The following ABRA variants were observed in gnomAD, a reference collection of about 807,000 sequenced individuals.
ABRA encodes actin-binding Rho-activating protein.
In ABRA, 25 loss-of-function variants were observed where a neutral mutation model predicts 33.4. The ratio of observed to expected loss-of-function variants is 0.75; its 90% CI spans 0.55 to 1.04. The LOEUF (loss-of-function observed/expected upper bound fraction) is 1.04, where lower values mean the gene tolerates loss of function less well. Ranked by LOEUF, ABRA falls within the 50% of genes least tolerant of loss-of-function variation. The pLI is 0.00. For synonymous variants in ABRA, 193 were observed against 176.8 expected (o/e 1.09, Z -0.73); for missense variants, 501 against 491.7 (o/e 1.02, Z -0.18).
In ABRA at chr8:106,769,665, C is replaced by T. The variant is rs993930033; in HGVS notation, c.526G>A (p.Val176Met). 4.3e-6 allele frequency: 7 copies of T among 1,614,192 alleles called. No individual in the cohort carries two copies. Among genetic ancestry groups the T allele is most frequent in the East Asian group, 2.2e-5 (1 of 44,866 alleles). ...LVSELTKGWR[V>M]MEQEEPTWRS... ...CATGTGGGCTCCTCCTGCTCCATCACTCTCCAGCCCTTGGTTAGCTCAGAC... is the reference window on the plus strand; with the variant it reads ...CATGTGGGCTCCTCCTGCTCCATCATTCTCCAGCCCTTGGTTAGCTCAGAC... The change falls in exon 1 of 2, where the codon GTG becomes ATG. Residue 176 changes from valine to methionine, a missense_variant. Coordinates refer to ENST00000311955, the MANE Select transcript of ABRA (RefSeq NM_139166.5).
chr8:106,762,945 G>A (rs915532719), intron 1 of ABRA, among the ~76,000 whole-genome samples: 1 of 152,146 alleles, frequency 6.6e-6, no homozygotes, highest in African/African-American at 2.4e-5. Context: ...ACCATCACAA[G>A]CGTCCCACCC....
rs1036846217 is a variant in ABRA at position 106,763,399 on chromosome 8, AAAAG to A, written c.669-1889_669-1886del. 3.9e-5 allele frequency among the ~76,000 whole-genome samples: 6 copies of A among 152,330 alleles called. No homozygotes were observed. In the South Asian group the frequency reaches 6.2e-4, roughly 16 times the overall value. ...ACAGTGTATGACAAAGTTAATTAGT[AAAAG>A]AAAGCACACAAAAACCATATACACA... On this transcript the variant is annotated intron_variant, in intron 1 of 1. Transcript: ENST00000311955.
intron 1 of ABRA, among the ~76,000 whole-genome samples, chr8:106,769,225 G>A (rs1024062810): frequency 1.3e-5 from 2 of 152,172 alleles, no homozygotes; most frequent in African/African-American, 2.4e-5. Flanking sequence ...AAGAATTCAC[G>A]AAAAACAGGC....
At chr8:106,767,830 T>A (rs1028864419) in intron 1 of ABRA, among the ~76,000 whole-genome samples, 12 of 152,168 alleles carry the variant, frequency 7.9e-5, no homozygotes, top group African/African-American at 2.9e-4. Context: ...CCGCGTGCGG[T>A]GGCTCATGCA....
At chr8:106,761,543 G>A (rs765441703) in intron 1 of ABRA, 29 bp from the exon 2 acceptor site, 11 of 1,571,590 alleles carry the variant, frequency 7.0e-6, no homozygotes, top group Non-Finnish European at 8.7e-6. Context: ...GAACAATCAA[G>A]ATTCAGATAT....
rs1810561628 is a variant in ABRA, at chr8:106,769,523, T to C, written c.668A>G (p.Gln223Arg). 1 of 1,610,872 alleles carries C rather than the reference T, an allele frequency of 6.2e-7. No homozygotes were observed. The highest frequency in any genetic ancestry group is 1.3e-5 in the African/African-American group (1 of 74,890). The part of the protein sequence containing the change: ...VVRIKRPLPS[Q>R]VNRFTEKLNC... ...GGAGTGGGAGAATGCATTCACTTAC[T>C]GGGAGGGCAAGGGGCGCTTGATCCT... The change falls in exon 1 of 2, where the codon CAG (glutamine) becomes CGG (arginine). Residue 223 changes from glutamine to arginine, a missense_variant and splice_region_variant. By Grantham distance (43) the Gln-to-Arg change is conservative. Transcript: ENST00000311955.
chr8:106,766,861 T>G (rs543440851), intron 1 of ABRA, among the ~76,000 whole-genome samples: 1 of 152,368 alleles, frequency 6.6e-6, no homozygotes, highest in Admixed American at 6.5e-5. Context: ...TCACATCTCT[T>G]TTTTAGATAA....
At chr8:106,766,821 T>C (rs1173445147) in intron 1 of ABRA, among the ~76,000 whole-genome samples, 1 of 152,206 alleles carries the variant, frequency 6.6e-6, no homozygotes, top group Non-Finnish European at 1.5e-5. Context: ...ACATAGCTAA[T>C]ATAAAAATAA....
At chr8:106,766,163 A>T (rs970908888) in intron 1 of ABRA, among the ~76,000 whole-genome samples, 2 of 152,164 alleles carry the variant, frequency 1.3e-5, no homozygotes. Context: ...TGAGAGAGAG[A>T]TCTAATTTCT....
intron 1 of ABRA, 135 bp downstream of exon 1, chr8:106,769,388 G>C (rs1235008849): frequency 8.0e-7 from 1 of 1,244,858 alleles, no homozygotes; most frequent in African/African-American, 1.5e-5. Context: ...CTCCTCTACA[G>C]TACTCACTGC....
At chr8:106,762,515 T>G (rs1836152568) in intron 1 of ABRA, among the ~76,000 whole-genome samples, 1 of 152,102 alleles carries the variant, frequency 6.6e-6, no homozygotes, top group Non-Finnish European at 1.5e-5. Flanking sequence ...AGTAGTATCG[T>G]GAGGATGCCA....
At chr8:106,767,728 G>C (rs575385720) in intron 1 of ABRA, among the ~76,000 whole-genome samples, 14 of 152,148 alleles carry the variant, frequency 9.2e-5, no homozygotes, top group Non-Finnish European at 1.9e-4. Context: ...TTACCCATTT[G>C]CCATTTTATT....
chr8:106,764,897 T>A (rs1408919664), intron 1 of ABRA, among the ~76,000 whole-genome samples: 1 of 152,154 alleles, frequency 6.6e-6, no homozygotes, highest in Non-Finnish European at 1.5e-5. Flanking sequence ...TGTTTTTATA[T>A]CTCCAATTTT....
At position 106,760,870 on chromosome 8, in the gene ABRA, C is replaced by A; in HGVS notation, c.*167G>T. ...AATGCTTTGTGCCTTCTCAAAATCT[C>A]CAAAATTCCTCATTCTAGATAGAAA... On this transcript the variant is annotated 3_prime_UTR_variant, in exon 2 of 2. Transcript: ENST00000311955. 9.0e-6 allele frequency: 6 copies of A among 667,254 alleles called. No individual in the cohort carries two copies. The highest frequency in any genetic ancestry group is 2.0e-5 in the South Asian group (1 of 51,126). 41.3% of individuals were successfully genotyped at this position (667,254 alleles called of 1,614,324 possible). A position where few individuals can be genotyped will look rare whatever the true frequency, so the allele number is the denominator to read the frequency against.
At position 106,770,167 on chromosome 8, in the gene ABRA, G is replaced by T. The variant is rs11996466; in HGVS notation, c.24C>A (p.Ser8Arg). 2.5e-6 allele frequency: 4 copies of T among 1,610,222 alleles called. No homozygotes were observed. Among genetic ancestry groups the T allele is most frequent in the Non-Finnish European group, 1.7e-6 (2 of 1,179,464 alleles). The change falls in exon 1 of 2, where the codon AGC becomes AGA. Residue 8 changes from serine to arginine, a missense_variant. Ser to Arg is a moderately radical substitution (Grantham distance 110). Transcript: ENST00000311955. ...GGGCGCTCTTGGCTGGGCCCTCCCC[G>T]CTTTCCTTTTCGCCCGGAGCCATGC... MAPGEKE[S>R]GEGPAKSALR...
At chr8:106,765,513 T>C (rs1471509066) in intron 1 of ABRA, among the ~76,000 whole-genome samples, 1 of 152,216 alleles carries the variant, frequency 6.6e-6, no homozygotes, top group African/African-American at 2.4e-5. Flanking sequence ...TTCCAACTTC[T>C]AGGAGAAATG....
chr8:106,769,974 G>T lies in ABRA; in HGVS notation c.217C>A (p.Gln73Lys). ...PKPITPPTSHQKAQSAPKSPP... is the reference protein window; with the variant it reads ...PKPITPPTSHKKAQSAPKSPP... The stretch of plus-strand genomic sequence containing the variant: ...GACTTTGGGGCACTCTGAGCTTTCT[G>T]GTGTGAAGTAGGGGGTGTGATTGGT... Residue 73 changes from glutamine (Q) to lysine (K), a missense_variant, in exon 1 of 2, where the codon CAG (glutamine) becomes AAG (lysine). Coordinates refer to ENST00000311955, the MANE Select transcript of ABRA (RefSeq NM_139166.5). 1 of 1,613,894 alleles carries T rather than the reference G, an allele frequency of 6.2e-7. No individual in the cohort carries two copies. Among genetic ancestry groups the T allele is most frequent in the Non-Finnish European group, 8.5e-7 (1 of 1,179,964 alleles).
rs1836110008 is a variant in ABRA, at chr8:106,759,784, A to G, written c.*1253T>C. ...ACATTTAACACCAAAGTGCTATACT[A>G]TCAATGCATTTTAGTAATTTCATTG... On this transcript the variant is annotated 3_prime_UTR_variant, in exon 2 of 2. Coordinates refer to ENST00000311955, the MANE Select transcript of ABRA (RefSeq NM_139166.5). The G allele has an allele frequency of 6.6e-6, 1 of 152,212 alleles. No individual in the cohort carries two copies. Among genetic ancestry groups the G allele is most frequent in the African/African-American group, 2.4e-5 (1 of 41,454 alleles). The allele number at this position is 152,212 out of a possible 1,614,324, so 9.4% of individuals were successfully genotyped here.
At position 106,770,183 on chromosome 8, in the gene ABRA, G is replaced by C; in HGVS notation, c.8C>G (p.Pro3Arg). ...GCCCTCCCCGCTTTCCTTTTCGCCC[G>C]GAGCCATGCTGCCCACCTGTCTTTC... is the stretch of plus-strand genomic sequence containing the variant. The part of the protein sequence containing the change: MA[P>R]GEKESGEGPA... The change falls in exon 1 of 2, where the codon CCG (proline) becomes CGG (arginine). Residue 3 changes from proline to arginine, a missense_variant. By Grantham distance (103) the Pro-to-Arg change is moderately radical (BLOSUM62 -2). Transcript: ENST00000311955. 3 of 1,604,008 alleles carry C rather than the reference G, an allele frequency of 1.9e-6. No individual in the cohort carries two copies. The highest frequency in any genetic ancestry group is 2.5e-6 in the Non-Finnish European group (3 of 1,177,860).
Sources: gnomAD v4.1 joint callset for allele counts (sites outside exome capture counted in the v4.1 genomes callset) on GRCh38, gnomAD v4.1.1 for gene constraint, MANE v1.5 for transcripts, NCBI Gene and HGNC (gene_info 2026-07-23, HGNC 2026-07-21) for gene names.